Variants in CDC42BPA observed in about 807,000 individuals in gnomAD.
CDC42BPA encodes the protein CDC42 binding protein kinase alpha, also known as serine/threonine-protein kinase MRCK alpha.
In CDC42BPA, 80 loss-of-function variants were observed where a neutral mutation model predicts 223.5. That is an observed-to-expected ratio of 0.36 (90% CI 0.30 to 0.43). CDC42BPA has a LOEUF of 0.43. Ranked by LOEUF, CDC42BPA falls within the 20% of genes least tolerant of loss-of-function variation. The probability of loss-of-function intolerance (pLI) is 1.00; values close to 1 mark genes in which losing one functional copy is unlikely to be tolerated. For missense variants in CDC42BPA, 1,743 were observed against 2,099.9 expected (o/e 0.83, Z 3.32); for synonymous variants, 694 against 718.6 (o/e 0.97, Z 0.55).
intron 23 of CDC42BPA, among the ~76,000 whole-genome samples, chr1:227,040,453 A>G (rs1671143729): frequency 6.6e-6 from 1 of 152,214 alleles, no homozygotes; most frequent in Non-Finnish European, 1.5e-5. Context: ...AAGTTAAATG[A>G]TAATTGCTCT....
chr1:227,135,234 G>C (rs1456306700), intron 10 of CDC42BPA, among the ~76,000 whole-genome samples: 1 of 152,202 alleles, frequency 6.6e-6, no homozygotes, highest in Non-Finnish European at 1.5e-5. Context: ...TAAGCATATG[G>C]TGCTTTTATT....
intron 1 of CDC42BPA, among the ~76,000 whole-genome samples, chr1:227,268,053 A>C (rs1460855698): frequency 2.0e-5 from 3 of 152,242 alleles, no homozygotes; most frequent in Non-Finnish European, 2.9e-5. Context: ...AAAATTGTAG[A>C]TAAAATGTAA....
chr1:227,265,617 C>A (rs1230741220), intron 1 of CDC42BPA, among the ~76,000 whole-genome samples: 5 of 146,838 alleles, frequency 3.4e-5, no homozygotes, highest in African/African-American at 5.1e-5. Context: ...GACGACAGAG[C>A]GAGACTCCGT....
chr1:227,067,528 A>T (rs1211551966), intron 21 of CDC42BPA, among the ~76,000 whole-genome samples: 1 of 152,178 alleles, frequency 6.6e-6, no homozygotes, highest in Non-Finnish European at 1.5e-5. Context: ...GAATATTTTA[A>T]CATCCTGAGC....
chr1:227,063,673 T>C (rs575148274), intron 21 of CDC42BPA, among the ~76,000 whole-genome samples: 1 of 152,100 alleles, frequency 6.6e-6, no homozygotes, highest in Non-Finnish European at 1.5e-5. Context: ...AAAACAAGAA[T>C]TGAATGAGCA....
rs1235985923 is a variant in CDC42BPA, at chr1:226,994,397, G to A, written c.5136C>T (p.Asp1712=). 3.3e-6 allele frequency: 5 copies of A among 1,534,530 alleles called. No individual in the cohort carries two copies. Among genetic ancestry groups the A allele is most frequent in the East Asian group, 2.4e-5 (1 of 41,862 alleles). Residue 1712 remains aspartate (D), a splice_region_variant and synonymous_variant, in exon 37 of 37, where the codon GAC becomes GAT. Transcript: ENST00000366766. This position sits in a 1 kb window ranked among gnomAD's most constrained non-coding sequence, Gnocchi z 4.0. ...CTGTGGAATGCCTCGGAGAGTCAGA[G>A]TCCTGTAAGGCCCAAAGTAAAACAT... ...DAPARDFDGE[D]SDSPRHSTAS...
chr1:227,306,335 G>A lies in CDC42BPA; in HGVS notation c.178+10670C>T, dbSNP rs79724439. 8.2e-4 allele frequency among the ~76,000 whole-genome samples: 125 copies of A among 152,238 alleles called. 1 individual carries two copies. The East Asian group carries it at 0.023, about 28-fold the overall frequency. On this transcript the variant is annotated intron_variant, in intron 1 of 36. Transcript: ENST00000366766. ...CATGTTTAATACAGAGAAGTCAACT[G>A]AGCCAGATGCACACAGAGGTTGAAT...
intron 11 of CDC42BPA, among the ~76,000 whole-genome samples, chr1:227,120,878 G>A (rs1818491): frequency 0.13 from 19,642 of 152,078 alleles, 1,341 homozygotes; most frequent in East Asian, 0.26. Flanking sequence ...CCAGGAGTCC[G>A]GGAGATGGTT....
chr1:227,286,578 C>A (rs1688841698), intron 1 of CDC42BPA, among the ~76,000 whole-genome samples: 2 of 152,302 alleles, frequency 1.3e-5, no homozygotes, highest in South Asian at 2.1e-4. Flanking sequence ...CTCTTCCAAC[C>A]TCCGTACGTT....
intron 6 of CDC42BPA, 54 bp from the exon 7 acceptor site, chr1:227,147,613 AAT>A (rs758985385): frequency 6.1e-5 from 61 of 991,926 alleles, no homozygotes; most frequent in Middle Eastern, 2.7e-4. Flanking sequence ...AAATATTTTA[AAT>A]AGTTACTTAA....
intron 1 of CDC42BPA, among the ~76,000 whole-genome samples, chr1:227,273,995 C>CCAAAAA (rs1686469457): frequency 1.8e-5 from 1 of 57,002 alleles, no homozygotes; most frequent in East Asian, 5.8e-4. Context: ...TCGTATACAC[C>CCAAAAA]AAAAAAAAAA....
At chr1:227,233,020 G>A (rs1047564997) in intron 2 of CDC42BPA, among the ~76,000 whole-genome samples, 2 of 152,200 alleles carry the variant, frequency 1.3e-5, no homozygotes, top group Non-Finnish European at 2.9e-5. Context: ...TGCTGTGCTA[G>A]CAGTGAGCGA....
chr1:227,066,031 T>A (rs949635446), intron 21 of CDC42BPA, among the ~76,000 whole-genome samples: 1 of 152,142 alleles, frequency 6.6e-6, no homozygotes, highest in African/African-American at 2.4e-5. Context: ...GGCAGGCATA[T>A]AAGCATCAAG....
At chr1:227,013,463 A>T (rs1342915612) in intron 34 of CDC42BPA, among the ~76,000 whole-genome samples, 1 of 152,030 alleles carries the variant, frequency 6.6e-6, no homozygotes, top group Non-Finnish European at 1.5e-5. Flanking sequence ...TGATAAAAAA[A>T]GTTCTTATAA....
intron 6 of CDC42BPA, among the ~76,000 whole-genome samples, chr1:227,155,006 T>G (rs1036347013): frequency 6.6e-6 from 1 of 152,144 alleles, no homozygotes; most frequent in Non-Finnish European, 1.5e-5. Flanking sequence ...TTAAGGTAAA[T>G]TGATTCAGCT....
At chr1:227,104,167 A>G (rs779139633) in intron 14 of CDC42BPA, among the ~76,000 whole-genome samples, 17 of 152,122 alleles carry the variant, frequency 1.1e-4, no homozygotes, top group Non-Finnish European at 2.2e-4. Context: ...CTAATAAACC[A>G]AGAAATAAAG....
At chr1:227,212,447 C>T (rs1018431570) in intron 3 of CDC42BPA, among the ~76,000 whole-genome samples, 10 of 152,030 alleles carry the variant, frequency 6.6e-5, no homozygotes, top group African/African-American at 2.2e-4. Flanking sequence ...CAGAATTCTA[C>T]ACCAGTTAAG....
At chr1:227,309,588 AAAAC>A (rs1426188857) in intron 1 of CDC42BPA, among the ~76,000 whole-genome samples, 1 of 152,260 alleles carries the variant, frequency 6.6e-6, no homozygotes, top group African/African-American at 2.4e-5. Flanking sequence ...ACAGGATTTT[AAAAC>A]TATGAGTCCA....
chr1:227,133,756 T>C (rs1269300992), intron 10 of CDC42BPA, among the ~76,000 whole-genome samples: 2 of 151,980 alleles, frequency 1.3e-5, no homozygotes, highest in Non-Finnish European at 2.9e-5. Context: ...AAACAGATGC[T>C]TGAAGGCAGC....
Sources: gnomAD v4.1 joint callset for allele counts (sites outside exome capture counted in the v4.1 genomes callset) on GRCh38, gnomAD v4.1.1 for gene constraint, Gnocchi (gnomAD v3.1) non-coding constraint, MANE v1.5 for transcripts, NCBI Gene and HGNC (gene_info 2026-07-23, HGNC 2026-07-21) for gene names.